The following ZNF385D variants were observed in gnomAD, a reference collection of about 807,000 sequenced individuals.
The protein encoded by ZNF385D is zinc finger protein 385D, also known as zinc finger protein 659.
ZNF385D carries 15 observed loss-of-function variants against 35.8 expected under a neutral mutation model. The ratio of observed to expected loss-of-function variants is 0.42; its 90% CI spans 0.28 to 0.64. The LOEUF (loss-of-function observed/expected upper bound fraction) is 0.64, where lower values mean the gene tolerates loss of function less well. Ranked by LOEUF, ZNF385D falls within the 30% of genes least tolerant of loss-of-function variation. The pLI, the probability that ZNF385D is intolerant of heterozygous loss-of-function variation, is 0.23. For missense variants in ZNF385D, 474 were observed against 494.6 expected, an observed-to-expected ratio of 0.96 and a Z score of 0.39; for synonymous variants, 212 against 186.8, an observed-to-expected ratio of 1.13 and a Z score of -1.10.
intron 3 of ZNF385D, among the ~76,000 whole-genome samples, chr3:21,535,846 T>C (rs1405872445): frequency 3.3e-5 from 5 of 152,030 alleles, no homozygotes; most frequent in African/African-American, 1.2e-4. Flanking sequence ...TTTCTAGGTC[T>C]TGCTTTCCTC....
At chr3:21,565,453 A>C (rs1034771742) in intron 2 of ZNF385D, among the ~76,000 whole-genome samples, 5 of 152,124 alleles carry the variant, frequency 3.3e-5, no homozygotes, top group Non-Finnish European at 7.3e-5. Flanking sequence ...ATCATAGCTC[A>C]CTGTAGGCTC....
chr3:21,819,058 C>G (rs1042293737), intron 3 of ZNF385D, among the ~76,000 whole-genome samples: 1 of 151,644 alleles, frequency 6.6e-6, no homozygotes, highest in Admixed American at 6.6e-5. Flanking sequence ...ATTAACAGGG[C>G]CTTGTAATTT....
chr3:22,350,981 TA>T (rs749093106), intron 2 of ZNF385D, among the ~76,000 whole-genome samples: 2 of 152,026 alleles, frequency 1.3e-5, no homozygotes, highest in Non-Finnish European at 1.5e-5. Flanking sequence ...ATATCATAAT[TA>T]GGACATGTTA....
intron 3 of ZNF385D, among the ~76,000 whole-genome samples, chr3:21,968,151 C>T (rs1703015375): frequency 6.6e-6 from 1 of 152,072 alleles, no homozygotes; most frequent in African/African-American, 2.4e-5. Context: ...TTCAGTGCTG[C>T]CCAGTCACAG....
chr3:22,143,133 A>G (rs1435014220), intron 3 of ZNF385D, among the ~76,000 whole-genome samples: 1 of 148,142 alleles, frequency 6.8e-6, no homozygotes. Context: ...CCCAGGCTGG[A>G]GTGCAGTGGC....
intron 4 of ZNF385D, chr3:21,459,366 A>T (rs1703025440): frequency 6.6e-6 from 1 of 152,284 alleles, no homozygotes; most frequent in South Asian, 2.1e-4. Flanking sequence ...AAAGGGCACT[A>T]TCTGGAATAT....
chr3:22,004,100 A>T (rs1054465115), intron 3 of ZNF385D, among the ~76,000 whole-genome samples: 1 of 152,128 alleles, frequency 6.6e-6, no homozygotes, highest in Non-Finnish European at 1.5e-5. Flanking sequence ...AGAACCAATG[A>T]CACATAAACC....
chr3:22,293,349 G>A (rs1702401868), intron 2 of ZNF385D, among the ~76,000 whole-genome samples: 1 of 151,988 alleles, frequency 6.6e-6, no homozygotes, highest in Non-Finnish European at 1.5e-5. Context: ...TCCTAATTTA[G>A]TATCTCTCCT....
chr3:22,128,724 C>A (rs1022055325), intron 3 of ZNF385D, among the ~76,000 whole-genome samples: 4 of 152,066 alleles, frequency 2.6e-5, no homozygotes, highest in Non-Finnish European at 5.9e-5. Context: ...AAGAGCAGCT[C>A]CAGAATTTCT....
intron 3 of ZNF385D, among the ~76,000 whole-genome samples, chr3:22,001,953 G>A (rs888030678): frequency 6.6e-6 from 1 of 151,752 alleles, no homozygotes; most frequent in Non-Finnish European, 1.5e-5. Context: ...AGCAGTAAGA[G>A]GGAAGTTTAT....
At chr3:21,945,723 T>C (rs965996867) in intron 3 of ZNF385D, among the ~76,000 whole-genome samples, 1 of 152,182 alleles carries the variant, frequency 6.6e-6, no homozygotes, top group African/African-American at 2.4e-5. Flanking sequence ...TACCCTTAAC[T>C]AGAATTGCCA....
chr3:21,590,751 G>A (rs757736248), intron 2 of ZNF385D, among the ~76,000 whole-genome samples: 1 of 151,888 alleles, frequency 6.6e-6, no homozygotes, highest in Non-Finnish European at 1.5e-5. Flanking sequence ...GCTGTCTAAC[G>A]CTGCCTAATC....
intron 3 of ZNF385D, among the ~76,000 whole-genome samples, chr3:21,971,452 G>C (rs185713260): frequency 7.0e-6 from 1 of 143,870 alleles, no homozygotes; most frequent in Admixed American, 6.9e-5. Flanking sequence ...AAGTTTCATG[G>C]TAATCTCAAA....
rs190682635 is a variant in ZNF385D at position 21,540,221 on chromosome 3, C to G, written c.276+24353G>C. On this transcript the variant is annotated intron_variant, in intron 3 of 7. Coordinates refer to ENST00000281523, the MANE Select transcript of ZNF385D (RefSeq NM_024697.3). ...TAAATAGGCAAAAGCAGAATAATAA[C>G]AATATAGCACAAACAATCAAGCAAA... 3.3e-3 allele frequency among the ~76,000 whole-genome samples: 493 copies of G among 151,644 alleles called. 4 individuals are homozygous for G. The highest frequency in any genetic ancestry group is 4.5e-3 in the Non-Finnish European group (307 of 67,974).
chr3:21,605,432 T>G (rs2064449391), intron 2 of ZNF385D, among the ~76,000 whole-genome samples: 1 of 152,202 alleles, frequency 6.6e-6, no homozygotes, highest in African/African-American at 2.4e-5. Flanking sequence ...CGTTAAATTT[T>G]CTAAAATCCT....
chr3:22,323,995 G>A (rs1694561802), intron 2 of ZNF385D, among the ~76,000 whole-genome samples: 1 of 152,018 alleles, frequency 6.6e-6, no homozygotes, highest in Non-Finnish European at 1.5e-5. Flanking sequence ...CCAATATTAG[G>A]ATAACCTAAT....
At chr3:21,675,049 G>T (rs2066683486) in intron 1 of ZNF385D, among the ~76,000 whole-genome samples, 1 of 151,972 alleles carries the variant, frequency 6.6e-6, no homozygotes, top group South Asian at 2.1e-4. Context: ...ATTAACAATG[G>T]TGTACATTTA....
At chr3:21,894,338 G>T (rs1038723423) in intron 3 of ZNF385D, among the ~76,000 whole-genome samples, 1 of 152,014 alleles carries the variant, frequency 6.6e-6, no homozygotes, top group Non-Finnish European at 1.5e-5. Context: ...TGGAGAGCAC[G>T]ATTTGTTAAA....
chr3:22,285,709 T>C (rs1701991130), intron 2 of ZNF385D, among the ~76,000 whole-genome samples: 2 of 152,062 alleles, frequency 1.3e-5, no homozygotes, highest in African/African-American at 4.8e-5. Context: ...CAGTCGCTGG[T>C]GTGTGATGTT....
Sources: allele counts gnomAD v4.1 joint callset (sites outside exome capture counted in the v4.1 genomes callset), GRCh38; gene constraint gnomAD v4.1.1; transcripts MANE v1.5; gene names NCBI Gene and HGNC (gene_info 2026-07-23, HGNC 2026-07-21).